Variants in GALNTL6 observed in about 807,000 individuals in gnomAD.
The protein encoded by GALNTL6 is polypeptide N-acetylgalactosaminyltransferase-like 6.
In GALNTL6, 46 loss-of-function variants were observed where a neutral mutation model predicts 73.7. The observed-to-expected ratio is 0.62, with a 90% CI of 0.49 to 0.80. The LOEUF (loss-of-function observed/expected upper bound fraction) is 0.80, where lower values mean the gene tolerates loss of function less well. Among genes scored for constraint, GALNTL6 ranks in the 30% least tolerant of loss-of-function variants. The pLI is 0.00. For synonymous variants in GALNTL6, 259 were observed against 263.7 expected (o/e 0.98, Z 0.17); for missense variants, 604 against 755.0 (o/e 0.80, Z 2.34).
chr4:171,851,525 G>A (rs1241413169), intron 2 of GALNTL6, among the ~76,000 whole-genome samples: 2 of 152,120 alleles, frequency 1.3e-5, no homozygotes, highest in African/African-American at 4.8e-5. Flanking sequence ...ACTGCAGGAT[G>A]AAAAAAGCAA....
chr4:172,535,258 A>G (rs750183780), intron 5 of GALNTL6, among the ~76,000 whole-genome samples: 15 of 152,222 alleles, frequency 9.9e-5, no homozygotes, highest in Non-Finnish European at 1.5e-4. Flanking sequence ...AAATATAATA[A>G]TGGATGCATT....
At chr4:172,535,688 G>C (rs1240319334) in intron 5 of GALNTL6, among the ~76,000 whole-genome samples, 1 of 152,096 alleles carries the variant, frequency 6.6e-6, no homozygotes, top group East Asian at 1.9e-4. Context: ...ATGTGTCACT[G>C]TATACTAATA....
At chr4:171,937,846 T>C (rs1738399473) in intron 2 of GALNTL6, among the ~76,000 whole-genome samples, 1 of 152,164 alleles carries the variant, frequency 6.6e-6, no homozygotes, top group Admixed American at 6.5e-5. Flanking sequence ...TGAATAAACA[T>C]GGAAAAATAG....
At chr4:171,955,425 G>A (rs74545979) in intron 2 of GALNTL6, among the ~76,000 whole-genome samples, 21 of 150,858 alleles carry the variant, frequency 1.4e-4, no homozygotes, top group Non-Finnish European at 2.7e-4. Flanking sequence ...GTTGACCCCC[G>A]ATATTCATGA....
chr4:173,010,574 T>C (rs546682747), intron 11 of GALNTL6, among the ~76,000 whole-genome samples: 1 of 150,830 alleles, frequency 6.6e-6, no homozygotes, highest in Non-Finnish European at 1.5e-5. Flanking sequence ...TTTTAGTGTG[T>C]TTTTTTTGTT....
At chr4:172,628,331 G>T (rs1368565710) in intron 5 of GALNTL6, among the ~76,000 whole-genome samples, 2 of 152,082 alleles carry the variant, frequency 1.3e-5, no homozygotes, top group Admixed American at 6.6e-5. Context: ...AAGCATACAA[G>T]CATACATCTG....
chr4:173,035,797 G>A (rs1753673624), intron 12 of GALNTL6, among the ~76,000 whole-genome samples: 1 of 152,140 alleles, frequency 6.6e-6, no homozygotes, highest in East Asian at 1.9e-4. Context: ...TGAGGCAGAG[G>A]CTAACTTTTG....
intron 3 of GALNTL6, among the ~76,000 whole-genome samples, chr4:172,247,073 A>G (rs376826689): frequency 6.6e-6 from 1 of 152,086 alleles, no homozygotes; most frequent in East Asian, 1.9e-4. Flanking sequence ...TGATTCAATT[A>G]ATGTGACTTC....
At chr4:172,370,809 G>A (rs772845916) in intron 5 of GALNTL6, among the ~76,000 whole-genome samples, 7 of 152,158 alleles carry the variant, frequency 4.6e-5, no homozygotes, top group East Asian at 3.9e-4. Context: ...AGACCTCAGC[G>A]GTTATGGAGA....
At chr4:172,696,168 G>C (rs1351178649) in intron 5 of GALNTL6, among the ~76,000 whole-genome samples, 1 of 152,100 alleles carries the variant, frequency 6.6e-6, no homozygotes, top group African/African-American at 2.4e-5. Flanking sequence ...GTGGCCTAAT[G>C]TGTCTCCAAT....
At chr4:172,372,142 T>A (rs1742836754) in intron 5 of GALNTL6, among the ~76,000 whole-genome samples, 1 of 152,188 alleles carries the variant, frequency 6.6e-6, no homozygotes, top group African/African-American at 2.4e-5. Flanking sequence ...TCGTATCCTA[T>A]TCTCCACAAA....
intron 2 of GALNTL6, among the ~76,000 whole-genome samples, chr4:172,057,343 G>C (rs964914249): frequency 6.6e-6 from 1 of 151,788 alleles, no homozygotes; most frequent in East Asian, 1.9e-4. Context: ...GAGCCCAGGA[G>C]AGAGAGGTTG....
At chr4:172,816,892 A>C (rs1484047873) in intron 7 of GALNTL6, among the ~76,000 whole-genome samples, 2 of 152,014 alleles carry the variant, frequency 1.3e-5, no homozygotes, top group African/African-American at 4.8e-5. Context: ...GGATCATTTG[A>C]GGTCAGGAGT....
chr4:172,392,052 G>T (rs536180508), intron 5 of GALNTL6, among the ~76,000 whole-genome samples: 1 of 151,964 alleles, frequency 6.6e-6, no homozygotes, highest in Non-Finnish European at 1.5e-5. Flanking sequence ...GCAGTGGCAC[G>T]ATCTCGGCTC....
chr4:172,549,833 C>T (rs558363039), intron 5 of GALNTL6, among the ~76,000 whole-genome samples: 10 of 152,206 alleles, frequency 6.6e-5, no homozygotes, highest in East Asian at 3.9e-4. Flanking sequence ...CACCCCTAGA[C>T]GATACAAATG....
chr4:172,670,089 T>C (rs552186698), intron 5 of GALNTL6, among the ~76,000 whole-genome samples: 3 of 152,366 alleles, frequency 2.0e-5, no homozygotes, highest in South Asian at 4.1e-4. Flanking sequence ...TTTAGGTTGA[T>C]TCCATGCCTT....
chr4:171,978,554 G>A (rs562658691), intron 2 of GALNTL6, among the ~76,000 whole-genome samples: 6 of 152,138 alleles, frequency 3.9e-5, no homozygotes, highest in Admixed American at 3.3e-4. Context: ...CCAAGAGAAA[G>A]AAACAAGTTT....
intron 5 of GALNTL6, among the ~76,000 whole-genome samples, chr4:172,764,150 G>GT (rs1240528110): frequency 6.6e-6 from 1 of 152,098 alleles, no homozygotes. Flanking sequence ...TAGAGATGGG[G>GT]TTTCTCGATG....
At chr4:172,200,363 A>G (rs1415526877) in intron 2 of GALNTL6, among the ~76,000 whole-genome samples, 4 of 152,234 alleles carry the variant, frequency 2.6e-5, no homozygotes, top group Admixed American at 2.6e-4. Flanking sequence ...ACCTGCATTA[A>G]GGAAATTCGA....
Sources: gnomAD v4.1 joint callset for allele counts (sites outside exome capture counted in the v4.1 genomes callset) on GRCh38, gnomAD v4.1.1 for gene constraint, MANE v1.5 for transcripts, NCBI Gene and HGNC (gene_info 2026-07-23, HGNC 2026-07-21) for gene names.